STAM2: variants seen among roughly 807,000 people sequenced by gnomAD.
The protein encoded by STAM2 is signal transducing adaptor molecule 2, also known as signal transducing adapter molecule 2.
A neutral mutation model predicts 65.6 loss-of-function variants in STAM2; 51 were observed. That is an observed-to-expected ratio of 0.78 (90% CI 0.62 to 0.98). STAM2 has a LOEUF of 0.98. STAM2 is among the 50% of genes least tolerant of loss of function. STAM2 has a pLI of 0.00. For missense variants in STAM2, 584 were observed against 617.8 expected (o/e 0.95, Z 0.58); for synonymous variants, 198 against 208.4 (o/e 0.95, Z 0.43).
chr2:152,152,042 G>A (rs372651225), intron 1 of STAM2, among the ~76,000 whole-genome samples: 15 of 152,212 alleles, frequency 9.9e-5, no homozygotes, highest in African/African-American at 2.9e-4. Flanking sequence ...CGGGGCTCAC[G>A]TGATCCTCCC....
At chr2:152,160,557 T>TG (rs1278628543) in intron 1 of STAM2, among the ~76,000 whole-genome samples, 16 of 142,344 alleles carry the variant, frequency 1.1e-4, no homozygotes, top group African/African-American at 4.3e-4. Context: ...GGGAGGGAGG[T>TG]GGGGGTCAGC....
chr2:152,151,988 G>A (rs143478877), intron 1 of STAM2, among the ~76,000 whole-genome samples: 24 of 152,266 alleles, frequency 1.6e-4, no homozygotes, highest in Non-Finnish European at 3.1e-4. Context: ...TGCCCAGGCT[G>A]GTGTGCAGTG....
chr2:152,165,058 T>C (rs1402350397), intron 1 of STAM2, among the ~76,000 whole-genome samples: 3 of 152,080 alleles, frequency 2.0e-5, no homozygotes, highest in Non-Finnish European at 4.4e-5. Context: ...GAAGCATACA[T>C]GTTATAATTT....
intron 1 of STAM2, among the ~76,000 whole-genome samples, chr2:152,175,101 G>A (rs1312927255): frequency 2.0e-5 from 3 of 152,144 alleles, no homozygotes; most frequent in Non-Finnish European, 4.4e-5. Flanking sequence ...CCCTATCAGG[G>A]ATTGAATGCA....
intron 2 of STAM2, 34 bp from the exon 3 acceptor site, chr2:152,148,334 T>A: frequency 6.9e-7 from 1 of 1,454,242 alleles, no homozygotes; most frequent in Non-Finnish European, 9.5e-7. Flanking sequence ...GACAGTTAAG[T>A]ATTTACTGAT....
intron 7 of STAM2, among the ~76,000 whole-genome samples, chr2:152,142,550 C>A (rs1034869723): frequency 6.6e-6 from 1 of 152,096 alleles, no homozygotes; most frequent in South Asian, 2.1e-4. Context: ...GCATGACTTA[C>A]GATGGTGCAA....
chr2:152,123,132 G>C (rs1339005583), intron 13 of STAM2, among the ~76,000 whole-genome samples: 2 of 151,770 alleles, frequency 1.3e-5, no homozygotes, highest in African/African-American at 4.8e-5. Context: ...ACTTTGGGAG[G>C]CTGAGGCGGG....
At chr2:152,129,015 G>A (rs898983791) in intron 11 of STAM2, among the ~76,000 whole-genome samples, 1 of 152,218 alleles carries the variant, frequency 6.6e-6, no homozygotes, top group Non-Finnish European at 1.5e-5. Flanking sequence ...AACAGGAGCT[G>A]CATCTGCAGC....
intron 12 of STAM2, among the ~76,000 whole-genome samples, chr2:152,125,532 G>A (rs925545744): frequency 1.3e-5 from 2 of 152,038 alleles, no homozygotes; most frequent in Admixed American, 6.6e-5. Flanking sequence ...CTTCCGAATG[G>A]GGATACTGAC....
At chr2:152,122,018 AGCCTGG>A (rs1301843208) in intron 13 of STAM2, among the ~76,000 whole-genome samples, 1 of 151,468 alleles carries the variant, frequency 6.6e-6, no homozygotes, top group Non-Finnish European at 1.5e-5. Context: ...GCTGCACTCC[AGCCTGG>A]GTGACAGAGT....
chr2:152,174,347 T>G (rs928279502), intron 1 of STAM2, among the ~76,000 whole-genome samples: 1 of 152,192 alleles, frequency 6.6e-6, no homozygotes, highest in African/African-American at 2.4e-5. Context: ...AAAAGAATAC[T>G]GCAATGAGGC....
chr2:152,132,665 A>G (rs1288174215), intron 10 of STAM2, among the ~76,000 whole-genome samples: 1 of 90,392 alleles, frequency 1.1e-5, no homozygotes, highest in East Asian at 3.6e-4. Flanking sequence ...TAAAGATTTA[A>G]GAAGAATTAT....
intron 1 of STAM2, among the ~76,000 whole-genome samples, chr2:152,163,434 T>A (rs1421359726): frequency 6.6e-6 from 1 of 152,078 alleles, no homozygotes; most frequent in African/African-American, 2.4e-5. Context: ...CAAGACCCTG[T>A]GATGATTGCA....
At chr2:152,151,568 G>A (rs1689446664) in intron 1 of STAM2, among the ~76,000 whole-genome samples, 1 of 152,084 alleles carries the variant, frequency 6.6e-6, no homozygotes, top group African/African-American at 2.4e-5. Context: ...TCAATGTTTT[G>A]ACTATATTCA....
Position 152,132,108 on chromosome 2 carries a change from T to C in STAM2, c.1025+6A>G, listed in dbSNP as rs371980240. On this transcript the variant is annotated splice_donor_region_variant and intron_variant, in intron 11 of 13. Transcript: ENST00000263904. ...ATACTTTTTATTCCTGCACGAAAAA[T>C]CTCACCTATCAATTTCTTCAAGTTT... The C allele has an allele frequency of 6.4e-5, 103 of 1,608,804 alleles. 1 individual carries two copies. Among genetic ancestry groups the C allele is most frequent in the South Asian group, 4.0e-4 (36 of 90,718 alleles).
intron 12 of STAM2, 173 bp downstream of exon 12, chr2:152,126,053 A>C (rs1040687402): frequency 3.9e-6 from 2 of 507,370 alleles, no homozygotes; most frequent in African/African-American, 4.0e-5. Context: ...TATCTGTCTA[A>C]TTTGCTCTGG....
intron 1 of STAM2, among the ~76,000 whole-genome samples, chr2:152,152,421 C>T (rs1473192207): frequency 6.6e-6 from 1 of 151,940 alleles, no homozygotes; most frequent in Non-Finnish European, 1.5e-5. Context: ...TGGTGGCAGG[C>T]GCCTGTAGTC....
At chr2:152,127,398 T>A (rs1688980849) in intron 11 of STAM2, among the ~76,000 whole-genome samples, 1 of 152,174 alleles carries the variant, frequency 6.6e-6, no homozygotes, top group Non-Finnish European at 1.5e-5. Flanking sequence ...AGGTTTTTTG[T>A]TGAGAATTCA....
intron 1 of STAM2, among the ~76,000 whole-genome samples, chr2:152,153,975 G>A (rs1689495938): frequency 6.6e-6 from 1 of 151,390 alleles, no homozygotes; most frequent in Non-Finnish European, 1.5e-5. Context: ...GGTGTATAAA[G>A]GCAGCACCCA....
Sources: allele counts gnomAD v4.1 joint callset (sites outside exome capture counted in the v4.1 genomes callset), GRCh38; gene constraint gnomAD v4.1.1; transcripts MANE v1.5; gene names NCBI Gene and HGNC (gene_info 2026-07-23, HGNC 2026-07-21).